Variants in BMAL1 observed in about 807,000 individuals in gnomAD.
The protein encoded by BMAL1 is basic helix-loop-helix ARNT-like protein 1.
the BMAL1 span, among the ~76,000 whole-genome samples, chr11:13,373,418 C>G: frequency 6.6e-6 from 1 of 152,192 alleles, no homozygotes; most frequent in Admixed American, 6.5e-5. Flanking sequence ...CAGCTTCTGG[C>G]ATTTGGTTGT....
At chr11:13,379,640 G>A in the BMAL1 span, 1 of 152,218 alleles carries the variant, frequency 6.6e-6, no homozygotes, top group Non-Finnish European at 1.5e-5. Context: ...ACAGGAAAAA[G>A]GGAGGGTGCA....
chr11:13,328,453 C>T, the BMAL1 span, among the ~76,000 whole-genome samples: 3 of 152,162 alleles, frequency 2.0e-5, no homozygotes, highest in Non-Finnish European at 4.4e-5. Context: ...TGGAACATTT[C>T]CAGTGAACCG....
At chr11:13,322,331 CCT>C in the BMAL1 span, among the ~76,000 whole-genome samples, 1 of 152,076 alleles carries the variant, frequency 6.6e-6, no homozygotes, top group Non-Finnish European at 1.5e-5. Context: ...CTCGCAACAC[CCT>C]GAGATACTCA....
chr11:13,338,667 C>A, the BMAL1 span, among the ~76,000 whole-genome samples: 2 of 152,196 alleles, frequency 1.3e-5, no homozygotes, highest in Admixed American at 6.5e-5. Flanking sequence ...AGAGTCCCAG[C>A]CTGGAGGTGG....
chr11:13,365,662 A>T, the BMAL1 span: 1 of 1,296,996 alleles, frequency 7.7e-7, no homozygotes, highest in Non-Finnish European at 1.1e-6. Flanking sequence ...ATTTTGTCAG[A>T]ATAATTATAG....
chr11:13,335,228 C>T, the BMAL1 span, among the ~76,000 whole-genome samples: 1 of 152,320 alleles, frequency 6.6e-6, no homozygotes, highest in East Asian at 1.9e-4. Flanking sequence ...TCTGCATGGA[C>T]ATAACAGTCC....
At chr11:13,277,414 G>A in the BMAL1 span, among the ~76,000 whole-genome samples, 2 of 152,198 alleles carry the variant, frequency 1.3e-5, no homozygotes, top group African/African-American at 4.8e-5. Context: ...GAGGGGAAAG[G>A]GAGAGGGCAG....
chr11:13,303,905 C>T, the BMAL1 span, among the ~76,000 whole-genome samples: 2 of 151,942 alleles, frequency 1.3e-5, no homozygotes, highest in South Asian at 4.1e-4. Context: ...TGTGTTGCAG[C>T]GAGTGAGGTG....
At chr11:13,304,919 A>G in the BMAL1 span, among the ~76,000 whole-genome samples, 1 of 152,236 alleles carries the variant, frequency 6.6e-6, no homozygotes, top group East Asian at 1.9e-4. Flanking sequence ...TACTGCAGAC[A>G]GGCTGCCCTA....
chr11:13,307,057 C>G, the BMAL1 span, among the ~76,000 whole-genome samples: 5 of 152,190 alleles, frequency 3.3e-5, no homozygotes, highest in Admixed American at 1.3e-4. Context: ...GTCACTGTTG[C>G]AAGGGAGTGG....
chr11:13,357,099 A>G, the BMAL1 span: 1 of 1,614,200 alleles, frequency 6.2e-7, no homozygotes, highest in Non-Finnish European at 8.5e-7. This position sits in a 1 kb window ranked among gnomAD's most constrained non-coding sequence, Gnocchi z 4.8. Flanking sequence ...AATGCAAGGT[A>G]AGCTTGGACC....
the BMAL1 span, chr11:13,277,827 G>C: frequency 6.6e-6 from 1 of 152,370 alleles, no homozygotes; most frequent in African/African-American, 2.4e-5. Flanking sequence ...AAGTAGGTCA[G>C]GGACGGAGGT....
chr11:13,301,175 T>C, the BMAL1 span, among the ~76,000 whole-genome samples: 6 of 152,202 alleles, frequency 3.9e-5, no homozygotes, highest in Non-Finnish European at 5.9e-5. Context: ...GACCTCATGA[T>C]CTACCTGCCT....
chr11:13,386,477 G>T, the BMAL1 span: 2 of 1,088,368 alleles, frequency 1.8e-6, no homozygotes, highest in South Asian at 2.2e-5. Flanking sequence ...CCAAAAAGCA[G>T]CATCTCACCC....
At chr11:13,361,386 G>GA in the BMAL1 span, among the ~76,000 whole-genome samples, 10,208 of 152,144 alleles carry the variant, frequency 0.067, 524 homozygotes, top group African/African-American at 0.14. Context: ...CAGATGAATA[G>GA]AAAAACGTAA....
the BMAL1 span, among the ~76,000 whole-genome samples, chr11:13,351,000 C>T: frequency 6.6e-6 from 1 of 152,180 alleles, no homozygotes; most frequent in Non-Finnish European, 1.5e-5. Flanking sequence ...AGGGCACAAG[C>T]AGTAAATAAT....
At chr11:13,284,196 GTGTATATATATATGTGTATATATATA>G in the BMAL1 span, among the ~76,000 whole-genome samples, 1 of 30,282 alleles carries the variant, frequency 3.3e-5, no homozygotes, top group Non-Finnish European at 6.0e-5. Flanking sequence ...ATATATATGT[GTGTATATATATATGTGTATATATATA>G]TATATGTGTG....
At chr11:13,286,675 C>T in the BMAL1 span, among the ~76,000 whole-genome samples, 2 of 147,608 alleles carry the variant, frequency 1.4e-5, no homozygotes, top group African/African-American at 5.0e-5. Context: ...TCAGTAGGAA[C>T]CTTGATTTTG....
chr11:13,329,207 T>C, the BMAL1 span, among the ~76,000 whole-genome samples: 1 of 152,202 alleles, frequency 6.6e-6, no homozygotes, highest in Non-Finnish European at 1.5e-5. Flanking sequence ...AGGACCCCTT[T>C]ACGTCGGATG....
Sources: allele counts gnomAD v4.1 joint callset (sites outside exome capture counted in the v4.1 genomes callset), GRCh38; gene constraint gnomAD v4.1.1; non-coding constraint Gnocchi (gnomAD v3.1); transcripts MANE v1.5; gene names NCBI Gene and HGNC (gene_info 2026-07-23, HGNC 2026-07-21).